Variants in SLC24A2 observed in about 807,000 individuals in gnomAD.
SLC24A2 encodes the protein solute carrier family 24 member 2.
In SLC24A2, 36 loss-of-function variants were observed where a neutral mutation model predicts 62.0. That is an observed-to-expected ratio of 0.58 (90% CI 0.44 to 0.77). The LOEUF (loss-of-function observed/expected upper bound fraction) is 0.77, where lower values mean the gene tolerates loss of function less well. Ranked by LOEUF, SLC24A2 falls within the 30% of genes least tolerant of loss-of-function variation. SLC24A2 has a pLI of 0.00. For synonymous variants in SLC24A2, 358 were observed against 294.0 expected (o/e 1.22, Z -2.23); for missense variants, 846 against 817.9 (o/e 1.03, Z -0.42).
chr9:19,982,015 C>T, the SLC24A2 span, among the ~76,000 whole-genome samples: 1 of 152,070 alleles, frequency 6.6e-6, no homozygotes, highest in African/African-American at 2.4e-5. Flanking sequence ...TTATGCTCTC[C>T]AAACCAGTGG....
At chr9:20,245,533 T>G in the SLC24A2 span, among the ~76,000 whole-genome samples, 1 of 152,146 alleles carries the variant, frequency 6.6e-6, no homozygotes, top group African/African-American at 2.4e-5. Flanking sequence ...CAGAAGCAGT[T>G]CATCAAAGGC....
At chr9:19,519,926 A>G (rs1470692769) in intron 10 of SLC24A2, among the ~76,000 whole-genome samples, 3 of 152,188 alleles carry the variant, frequency 2.0e-5, no homozygotes, top group African/African-American at 7.2e-5. Flanking sequence ...TTCAAATCCT[A>G]CCTACCTCAT....
chr9:20,070,985 C>T, the SLC24A2 span, among the ~76,000 whole-genome samples: 79 of 152,282 alleles, frequency 5.2e-4, no homozygotes, highest in African/African-American at 1.8e-3. Context: ...CACCATCCTC[C>T]TTGATGCTGT....
the SLC24A2 span, among the ~76,000 whole-genome samples, chr9:20,109,928 C>T: frequency 6.6e-6 from 1 of 152,172 alleles, no homozygotes; most frequent in Non-Finnish European, 1.5e-5. Flanking sequence ...TTTCCATTAA[C>T]ATTTTTCTTT....
the SLC24A2 span, among the ~76,000 whole-genome samples, chr9:19,861,066 G>A: frequency 1.3e-5 from 2 of 152,146 alleles, no homozygotes; most frequent in Non-Finnish European, 1.5e-5. Flanking sequence ...CCTGATTATA[G>A]AGCCCCAGGG....
At chr9:19,949,629 A>G in the SLC24A2 span, among the ~76,000 whole-genome samples, 7 of 152,302 alleles carry the variant, frequency 4.6e-5, no homozygotes, top group Middle Eastern at 6.8e-3. Flanking sequence ...GCTAGGTGTG[A>G]TCTCATGACT....
the SLC24A2 span, among the ~76,000 whole-genome samples, chr9:20,242,623 C>T: frequency 5.9e-5 from 9 of 152,114 alleles, no homozygotes; most frequent in Non-Finnish European, 1.3e-4. Context: ...GTGGATGTGT[C>T]GGATTTTATC....
At chr9:19,797,459 C>T in the SLC24A2 span, among the ~76,000 whole-genome samples, 1 of 152,302 alleles carries the variant, frequency 6.6e-6, no homozygotes, top group South Asian at 2.1e-4. Context: ...ACGAATCAGG[C>T]ATTAAAATGC....
chr9:19,711,160 T>G (rs1587198926), intron 2 of SLC24A2, among the ~76,000 whole-genome samples: 1 of 152,300 alleles, frequency 6.6e-6, no homozygotes, highest in African/African-American at 2.4e-5. Flanking sequence ...TCAAAACTAT[T>G]TTCATAACAA....
chr9:19,984,031 C>A, the SLC24A2 span, among the ~76,000 whole-genome samples: 3 of 152,136 alleles, frequency 2.0e-5, no homozygotes, highest in Non-Finnish European at 4.4e-5. Flanking sequence ...CCAGAGAAAT[C>A]TGTAATAAGT....
At chr9:19,518,817 A>T (rs1198027814) in intron 10 of SLC24A2, among the ~76,000 whole-genome samples, 3 of 152,168 alleles carry the variant, frequency 2.0e-5, no homozygotes, top group Non-Finnish European at 4.4e-5. Flanking sequence ...CACTTAATAT[A>T]TTGCAATGAC....
At position 19,572,143 on chromosome 9, in the gene SLC24A2, C is replaced by T. The variant is rs575568697; in HGVS notation, c.1347+1208G>A. Reference sequence around the variant, plus strand: ...AAAAAATTAGCCGGGTGTGGTGGTGCGAGCTACTCAGGAGGCTGAGGCAGG... The same window carrying T: ...AAAAAATTAGCCGGGTGTGGTGGTGTGAGCTACTCAGGAGGCTGAGGCAGG... On this transcript the variant is annotated intron_variant, in intron 7 of 10. Coordinates refer to ENST00000341998, the MANE Select transcript of SLC24A2 (RefSeq NM_020344.4). Among the ~76,000 whole-genome samples the T allele has an allele frequency of 5.2e-4, 78 of 150,034 alleles. No individual in the cohort carries two copies. In the South Asian group the frequency reaches 0.012, roughly 24 times the overall value.
chr9:20,152,566 C>G, the SLC24A2 span, among the ~76,000 whole-genome samples: 1 of 151,884 alleles, frequency 6.6e-6, no homozygotes, highest in African/African-American at 2.4e-5. Flanking sequence ...TGCTAACCTT[C>G]TTGCCTCAAG....
chr9:20,178,896 T>C, the SLC24A2 span, among the ~76,000 whole-genome samples: 5 of 152,228 alleles, frequency 3.3e-5, no homozygotes, highest in Middle Eastern at 3.4e-3. Context: ...AGGAGGATGC[T>C]CAGAATAACT....
At chr9:19,949,327 T>A in the SLC24A2 span, among the ~76,000 whole-genome samples, 10 of 152,142 alleles carry the variant, frequency 6.6e-5, no homozygotes, top group African/African-American at 9.7e-5. Flanking sequence ...TTTGGAGGAA[T>A]CAAATTAAGG....
rs765263124 is a variant in SLC24A2 at position 19,511,770 on chromosome 9, C to G, written c.*4383G>C. The G allele has an allele frequency of 3.3e-5, 5 of 152,202 alleles. No individual in the cohort carries two copies. The highest frequency in any genetic ancestry group is 7.3e-5 in the Non-Finnish European group (5 of 68,040). 9.4% of individuals were successfully genotyped at this position (152,202 alleles called of 1,614,324 possible). ...CCCTGAGAACAGCTTCACTTTGTTT[C>G]TTCTGGAACACAGCTGCCACCTATA... On this transcript the variant is annotated 3_prime_UTR_variant, in exon 11 of 11. Transcript: ENST00000341998.
the SLC24A2 span, among the ~76,000 whole-genome samples, chr9:20,183,268 GAGA>G: frequency 1.3e-5 from 2 of 152,182 alleles, no homozygotes; most frequent in Non-Finnish European, 2.9e-5. Flanking sequence ...CAGCTGGAAA[GAGA>G]AGATTAACCA....
intron 4 of SLC24A2, among the ~76,000 whole-genome samples, chr9:19,598,547 G>A (rs991853920): frequency 1.3e-5 from 2 of 152,096 alleles, no homozygotes; most frequent in African/African-American, 4.8e-5. Context: ...ACGAAGAGCT[G>A]CCTATTCTGG....
chr9:20,135,155 T>C, the SLC24A2 span, among the ~76,000 whole-genome samples: 1 of 152,144 alleles, frequency 6.6e-6, no homozygotes, highest in African/African-American at 2.4e-5. Context: ...GAAGACTGAA[T>C]TGATTCTCCC....
Sources: gnomAD v4.1 joint callset for allele counts (sites outside exome capture counted in the v4.1 genomes callset) on GRCh38, gnomAD v4.1.1 for gene constraint, MANE v1.5 for transcripts, NCBI Gene and HGNC (gene_info 2026-07-23, HGNC 2026-07-21) for gene names.